Variants in NFIB observed in about 807,000 individuals in gnomAD.
The protein encoded by NFIB is nuclear factor I B.
In NFIB, 11 loss-of-function variants were observed where a neutral mutation model predicts 61.5. The ratio of observed to expected loss-of-function variants is 0.18; its 90% CI spans 0.11 to 0.30. The LOEUF is 0.30. Ranked by LOEUF, NFIB falls within the 10% of genes least tolerant of loss-of-function variation. NFIB has a pLI of 1.00. For missense variants in NFIB, 471 were observed against 608.9 expected (o/e 0.77, Z 2.38); for synonymous variants, 260 against 216.5 (o/e 1.20, Z -1.76).
chr9:14,158,840 T>C (rs922860009), intron 3 of NFIB, among the ~76,000 whole-genome samples: 1 of 152,322 alleles, frequency 6.6e-6, no homozygotes, highest in East Asian at 1.9e-4. Flanking sequence ...ATGTCAAGCA[T>C]TTAATACAAA....
chr9:14,340,670 C>T (rs1014474804), intron 1 of NFIB, among the ~76,000 whole-genome samples: 2 of 152,200 alleles, frequency 1.3e-5, no homozygotes, highest in Non-Finnish European at 2.9e-5. Flanking sequence ...CTCTTCAAAC[C>T]TTTTCGTTGT....
chr9:14,313,721 G>A lies in NFIB; in HGVS notation c.-210C>T. 7.1e-7 allele frequency: 1 copy of A among 1,401,844 alleles called. No homozygotes were observed. Among genetic ancestry groups the A allele is most frequent in the Non-Finnish European group, 9.3e-7 (1 of 1,079,566 alleles). 86.8% of individuals were successfully genotyped at this position (1,401,844 alleles called of 1,614,324 possible). On this transcript the variant is annotated 5_prime_UTR_variant, in exon 1 of 11. Coordinates refer to ENST00000380953, the MANE Select transcript of NFIB (RefSeq NM_001190737.2). The surrounding 1 kb of genome is among the most constrained non-coding windows in gnomAD (Gnocchi z 4.5). ...TCACTCGGCGTGCTAGATTTCCAGG[G>A]GTGAAATCCAATCTACACTTTTAAC... is the stretch of plus-strand genomic sequence containing the variant.
rs907425368 is a variant in NFIB, at chr9:14,351,383, C to T, written c.109-43863G>A. Among the ~76,000 whole-genome samples, 8 of 148,616 alleles carry T rather than the reference C, an allele frequency of 5.4e-5. No homozygotes were observed. In the East Asian group the frequency reaches 1.4e-3, roughly 25 times the overall value. On this transcript the variant is annotated intron_variant, in intron 1 of 8. Coordinates refer to the NFIB transcript ENST00000380934. ...AGCCCTGTGCCCCATACAGAACTCT[C>T]ATCCTAGGGAGCTGGGCTAGGGCTG...
the NFIB span, among the ~76,000 whole-genome samples, chr9:14,422,421 G>A: frequency 4.6e-5 from 7 of 152,314 alleles, no homozygotes; most frequent in African/African-American, 1.2e-4. Flanking sequence ...TTCTCTGCCT[G>A]CTCTAAGTAT....
At chr9:14,256,405 C>T (rs999180236) in intron 2 of NFIB, among the ~76,000 whole-genome samples, 1 of 152,078 alleles carries the variant, frequency 6.6e-6, no homozygotes, top group Non-Finnish European at 1.5e-5. Flanking sequence ...AAGAACCCCT[C>T]CTTACAAACA....
the NFIB span, among the ~76,000 whole-genome samples, chr9:14,505,346 T>C: frequency 6.6e-6 from 1 of 152,166 alleles, no homozygotes; most frequent in Non-Finnish European, 1.5e-5. Flanking sequence ...CTGGTTTTAG[T>C]ATTAGGGTGA....
chr9:14,118,600 T>G (rs1352812902), intron 8 of NFIB, among the ~76,000 whole-genome samples: 1 of 152,066 alleles, frequency 6.6e-6, no homozygotes, highest in African/African-American at 2.4e-5. Flanking sequence ...ACTAAAAATT[T>G]CTATCTTTTA....
the NFIB span, among the ~76,000 whole-genome samples, chr9:14,450,930 C>T: frequency 3.9e-5 from 6 of 152,342 alleles, no homozygotes; most frequent in South Asian, 8.3e-4. Context: ...GTCTGTCATG[C>T]TTTGAATACA....
chr9:14,277,837 T>TC (rs1259849093), intron 2 of NFIB, among the ~76,000 whole-genome samples: 4 of 152,184 alleles, frequency 2.6e-5, no homozygotes, highest in Admixed American at 1.3e-4. Context: ...CCTCCTTTTT[T>TC]CTCACAAAAA....
chr9:14,476,732 G>C, the NFIB span, among the ~76,000 whole-genome samples: 3 of 152,122 alleles, frequency 2.0e-5, no homozygotes, highest in Non-Finnish European at 4.4e-5. Flanking sequence ...AAGACAGCAA[G>C]AAAACCCGGT....
the NFIB span, among the ~76,000 whole-genome samples, chr9:14,525,943 G>A: frequency 7.9e-5 from 12 of 152,074 alleles, no homozygotes; most frequent in South Asian, 2.1e-4. Context: ...GATATGTGTC[G>A]TGGACCTTGT....
intron 2 of NFIB, among the ~76,000 whole-genome samples, chr9:14,182,683 C>CCTCTCTCTCTCTCTCT (rs144528136): frequency 4.9e-5 from 2 of 40,976 alleles, no homozygotes; most frequent in African/African-American, 1.3e-4. Flanking sequence ...ACACCCCCCA[C>CCTCTCTCTCTCTCTCT]CTCTCTCTCT....
chr9:14,320,957 T>A (rs1039335849), intron 1 of NFIB, among the ~76,000 whole-genome samples: 2 of 152,028 alleles, frequency 1.3e-5, no homozygotes, highest in African/African-American at 4.8e-5. Flanking sequence ...GAAAAATACT[T>A]AGAGATCTTG....
At chr9:14,232,303 G>T (rs967058397) in intron 2 of NFIB, among the ~76,000 whole-genome samples, 1 of 152,156 alleles carries the variant, frequency 6.6e-6, no homozygotes, top group Non-Finnish European at 1.5e-5. Context: ...TAAAGCATCT[G>T]CTTAGGGATT....
At chr9:14,314,292 C>A (rs1182241443), upstream of NFIB, 28 of 343,054 alleles carry the variant, frequency 8.2e-5, no homozygotes, top group East Asian at 4.2e-3. Flanking sequence ...CAGCAGCAGC[C>A]GCCGCCGCCC....
the NFIB span, among the ~76,000 whole-genome samples, chr9:14,461,398 C>T: frequency 6.6e-6 from 1 of 152,166 alleles, no homozygotes; most frequent in African/African-American, 2.4e-5. Context: ...TCATAGCCAA[C>T]TAATTGACTT....
At chr9:14,432,936 T>C in the NFIB span, among the ~76,000 whole-genome samples, 1 of 152,214 alleles carries the variant, frequency 6.6e-6, no homozygotes, top group Non-Finnish European at 1.5e-5. Flanking sequence ...TGAAAGAACT[T>C]GATAGATTCT....
chr9:14,120,238 T>C lies in NFIB; in HGVS notation c.1245+202A>G, dbSNP rs2038747686. On this transcript the variant is annotated intron_variant, in intron 8 of 10. Transcript: ENST00000380953. This position sits in a 1 kb window ranked among gnomAD's most constrained non-coding sequence, Gnocchi z 4.4. ...AAACATTAAACCATCTTCACAAATG[T>C]ACCCTTTGGGGCAACACACTTCCTA... Among the ~76,000 whole-genome samples, 1 of 152,194 alleles carries C rather than the reference T, an allele frequency of 6.6e-6. No individual in the cohort carries two copies. The highest frequency in any genetic ancestry group is 6.5e-5 in the Admixed American group (1 of 15,278).
intron 6 of NFIB, among the ~76,000 whole-genome samples, chr9:14,130,308 T>C (rs190352561): frequency 6.6e-6 from 1 of 152,204 alleles, no homozygotes; most frequent in Non-Finnish European, 1.5e-5. Context: ...AATTTTCTTA[T>C]GGCTTCCATT....
Sources: gnomAD v4.1 joint callset for allele counts (sites outside exome capture counted in the v4.1 genomes callset) on GRCh38, gnomAD v4.1.1 for gene constraint, Gnocchi (gnomAD v3.1) non-coding constraint, MANE v1.5 for transcripts, NCBI Gene and HGNC (gene_info 2026-07-23, HGNC 2026-07-21) for gene names.